FNDC3A: variants seen among roughly 807,000 people sequenced by gnomAD.
FNDC3A encodes the protein fibronectin type III domain containing 3A, also known as fibronectin type-III domain-containing protein 3A.
In FNDC3A, 32 loss-of-function variants were observed where a neutral mutation model predicts 148.9. The observed-to-expected ratio is 0.21, with a 90% CI of 0.16 to 0.29. FNDC3A has a LOEUF of 0.29. Among genes scored for constraint, FNDC3A ranks in the 10% least tolerant of loss-of-function variants. FNDC3A has a pLI of 1.00. For synonymous variants in FNDC3A, 472 were observed against 473.6 expected (o/e 1.00, Z 0.04); for missense variants, 1,191 against 1,452.8 (o/e 0.82, Z 2.93).
chr13:49,036,490 G>A (rs1874502323), intron 2 of FNDC3A, among the ~76,000 whole-genome samples: 1 of 152,204 alleles, frequency 6.6e-6, no homozygotes, highest in Non-Finnish European at 1.5e-5. Context: ...GGATTTAGGA[G>A]TCATTTGGAG....
chr13:49,034,630 A>G (rs550765788), intron 2 of FNDC3A, among the ~76,000 whole-genome samples: 5 of 152,046 alleles, frequency 3.3e-5, no homozygotes, highest in Non-Finnish European at 5.9e-5. Flanking sequence ...TGATATATTG[A>G]TGCAGTTTAT....
chr13:49,053,272 G>A (rs1475802363), intron 2 of FNDC3A, among the ~76,000 whole-genome samples: 3 of 152,206 alleles, frequency 2.0e-5, no homozygotes, highest in Non-Finnish European at 4.4e-5. Context: ...TTCTGTGGTA[G>A]TTCTTGAAGC....
chr13:49,033,297 G>C (rs912837798), intron 2 of FNDC3A, among the ~76,000 whole-genome samples: 1 of 152,124 alleles, frequency 6.6e-6, no homozygotes, highest in Non-Finnish European at 1.5e-5. Context: ...GGTTGCTATG[G>C]TGATATAGTC....
At chr13:49,036,505 A>G (rs1874502795) in intron 2 of FNDC3A, among the ~76,000 whole-genome samples, 1 of 152,182 alleles carries the variant, frequency 6.6e-6, no homozygotes, top group African/African-American at 2.4e-5. Context: ...TTGGAGATGG[A>G]TGGTAGTTAA....
At chr13:48,999,928 T>C (rs187210251) in intron 1 of FNDC3A, among the ~76,000 whole-genome samples, 3 of 152,358 alleles carry the variant, frequency 2.0e-5, no homozygotes, top group Admixed American at 2.0e-4. Context: ...TCCAGAAGTG[T>C]GACAAATAAA....
At chr13:48,980,568 GA>G (rs934886530) in intron 1 of FNDC3A, among the ~76,000 whole-genome samples, 3 of 152,108 alleles carry the variant, frequency 2.0e-5, no homozygotes, top group Non-Finnish European at 4.4e-5. Flanking sequence ...AAATAATTAA[GA>G]TTTTTTTAAG....
intron 1 of FNDC3A, among the ~76,000 whole-genome samples, chr13:48,982,220 A>G (rs1171026176): frequency 6.6e-6 from 1 of 152,108 alleles, no homozygotes; most frequent in Non-Finnish European, 1.5e-5. Flanking sequence ...GTGAAAATTC[A>G]TAATTTGCGA....
intron 3 of FNDC3A, among the ~76,000 whole-genome samples, chr13:49,084,662 G>A (rs2137802872): frequency 6.6e-6 from 1 of 152,164 alleles, no homozygotes; most frequent in Middle Eastern, 3.4e-3. Flanking sequence ...ACCTCACGCT[G>A]CTTGGGGAAG....
At chr13:49,199,213 G>A (rs1886304689) in intron 23 of FNDC3A, among the ~76,000 whole-genome samples, 1 of 151,910 alleles carries the variant, frequency 6.6e-6, no homozygotes, top group African/African-American at 2.4e-5. Context: ...TAGAGATGGG[G>A]TTTCACCATG....
chr13:49,156,659 C>A (rs969961345), intron 8 of FNDC3A, among the ~76,000 whole-genome samples: 9 of 151,086 alleles, frequency 6.0e-5, no homozygotes, highest in African/African-American at 2.0e-4. Flanking sequence ...CGGCTGGTAC[C>A]AGTTGTTGCT....
intron 2 of FNDC3A, among the ~76,000 whole-genome samples, chr13:49,034,043 T>C (rs1379938022): frequency 1.3e-5 from 2 of 152,034 alleles, no homozygotes; most frequent in African/African-American, 4.8e-5. Flanking sequence ...TTATAACTTA[T>C]ATTTATTGCT....
At chr13:49,053,284 A>C (rs1173374568) in intron 2 of FNDC3A, among the ~76,000 whole-genome samples, 1 of 152,178 alleles carries the variant, frequency 6.6e-6, no homozygotes, top group East Asian at 1.9e-4. Flanking sequence ...TCTTGAAGCA[A>C]AAGTTTATGA....
chr13:49,175,239 T>TA, intron 12 of FNDC3A, 128 bp from the exon 13 acceptor site: 1 of 556,076 alleles, frequency 1.8e-6, no homozygotes. Context: ...AAACCCAAGA[T>TA]ATATTATTTG....
chr13:49,202,105 C>T (rs181923663), intron 24 of FNDC3A, 139 bp downstream of exon 24: 2 of 493,416 alleles, frequency 4.1e-6, no homozygotes, highest in East Asian at 3.5e-5. Flanking sequence ...TAGGCAAGCC[C>T]AACTCTACTG....
At chr13:49,037,265 A>G (rs1874563386) in intron 2 of FNDC3A, among the ~76,000 whole-genome samples, 1 of 152,242 alleles carries the variant, frequency 6.6e-6, no homozygotes, top group African/African-American at 2.4e-5. Context: ...CTATGCACTT[A>G]TTATATGTTA....
At chr13:49,178,699 C>A in intron 14 of FNDC3A, 45 bp downstream of exon 14, 1 of 1,090,622 alleles carries the variant, frequency 9.2e-7, no homozygotes, top group Non-Finnish European at 1.3e-6. Context: ...TGTTCCTATT[C>A]TTACTGGTGT....
At chr13:49,166,380 G>A (rs952150981) in intron 8 of FNDC3A, among the ~76,000 whole-genome samples, 2 of 152,208 alleles carry the variant, frequency 1.3e-5, no homozygotes, top group Non-Finnish European at 2.9e-5. Flanking sequence ...TGGCCTGTGG[G>A]TAGGAAATGT....
At chr13:49,055,113 T>C (rs543831061) in intron 2 of FNDC3A, among the ~76,000 whole-genome samples, 7 of 152,106 alleles carry the variant, frequency 4.6e-5, no homozygotes, top group African/African-American at 1.7e-4. Context: ...TTTTTTTTTT[T>C]CTTTTTTAGA....
At chr13:48,975,755 C>G (rs1951585295), upstream of FNDC3A, 1 of 152,084 alleles carries the variant, frequency 6.6e-6, no homozygotes, top group Non-Finnish European at 1.5e-5. Flanking sequence ...CAAACGCGGC[C>G]GCTCAGCCGC....
Sources: gnomAD v4.1 joint callset for allele counts (sites outside exome capture counted in the v4.1 genomes callset) on GRCh38, gnomAD v4.1.1 for gene constraint, MANE v1.5 for transcripts, NCBI Gene and HGNC (gene_info 2026-07-23, HGNC 2026-07-21) for gene names.